PGLS: variants seen among roughly 807,000 people sequenced by gnomAD.
PGLS encodes 6-phosphogluconolactonase.
In PGLS, 21 loss-of-function variants were observed where a neutral mutation model predicts 23.2. The observed-to-expected ratio is 0.91, with a 90% CI of 0.64 to 1.31. PGLS has a LOEUF of 1.31. Ranked by LOEUF, PGLS falls within the 50% of genes most tolerant of loss-of-function variation. The pLI is 0.00. For synonymous variants in PGLS, 179 were observed against 165.4 expected (o/e 1.08, Z -0.63); for missense variants, 410 against 354.0 (o/e 1.16, Z -1.27).
intron 4 of PGLS, chr19:17,518,590 A>C (rs1356186199): frequency 6.6e-6 from 1 of 151,888 alleles, no homozygotes; most frequent in Non-Finnish European, 1.5e-5. Context: ...GAGTGCACTG[A>C]TGTGACCTCA....
At chr19:17,520,669 T>A in intron 4 of PGLS, 1 of 273,092 alleles carries the variant, frequency 3.7e-6, no homozygotes, top group Non-Finnish European at 6.7e-6. Context: ...AGGCGGAGGT[T>A]GCCGTGAGCC....
At chr19:17,513,738 G>C (rs2075520519) in intron 1 of PGLS, among the ~76,000 whole-genome samples, 1 of 152,180 alleles carries the variant, frequency 6.6e-6, no homozygotes, top group African/African-American at 2.4e-5. Flanking sequence ...AGAATCGCTT[G>C]AATGTGGGAG....
chr19:17,515,753 A>G lies in PGLS; in HGVS notation c.289-420A>G, dbSNP rs1057316149. 4.5e-5 allele frequency: 8 copies of G among 176,436 alleles called. No homozygotes were observed. In the East Asian group the frequency reaches 9.8e-4, roughly 22 times the overall value. 10.9% of individuals were successfully genotyped at this position (176,436 alleles called of 1,614,324 possible). On this transcript the variant is annotated intron_variant, in intron 1 of 4. Coordinates refer to ENST00000252603, the MANE Select transcript of PGLS (RefSeq NM_012088.3). ...ACCCTGGAGGCTTTGAAACAGGACA[A>G]TGGGCTGGCTAGACAGGTGCAGGCT...
chr19:17,512,239 G>T lies in PGLS; in HGVS notation c.288+279G>T, dbSNP rs992322831. 2.3e-5 allele frequency: 11 copies of T among 470,104 alleles called. No homozygotes were observed. In the East Asian group the frequency reaches 3.7e-4, roughly 16 times the overall value. The allele number at this position is 470,104 out of a possible 1,614,324, so 29.1% of individuals were successfully genotyped here. A position where few individuals can be genotyped will look rare whatever the true frequency, so the allele number is the denominator to read the frequency against. ...TCATGCCGAGATGGTCACGCCCACT[G>T]CCTGCACCTCGACTACGGGGGCCGC... On this transcript the variant is annotated intron_variant, in intron 1 of 4. Transcript: ENST00000252603.
chr19:17,514,460 CT>C, intron 1 of PGLS, among the ~76,000 whole-genome samples: 1 of 151,778 alleles, frequency 6.6e-6, no homozygotes, highest in Non-Finnish European at 1.5e-5. Flanking sequence ...TCCTTCCTTC[CT>C]CCCTTCCTAT....
intron 2 of PGLS, 154 bp downstream of exon 2, chr19:17,516,434 G>T (rs1274019304): frequency 6.4e-6 from 9 of 1,413,770 alleles, no homozygotes; most frequent in Non-Finnish European, 8.3e-6. Flanking sequence ...CCACAGCCCT[G>T]CCCTGGGGAG....
intron 3 of PGLS, 62 bp downstream of exon 3, chr19:17,517,451 TC>T: frequency 7.5e-7 from 1 of 1,331,864 alleles, no homozygotes; most frequent in Non-Finnish European, 1.1e-6. Context: ...ATCTGGGACT[TC>T]CAGAGGGAGA....
intron 1 of PGLS, among the ~76,000 whole-genome samples, chr19:17,513,402 C>T (rs2075518571): frequency 6.6e-6 from 1 of 151,354 alleles, no homozygotes; most frequent in South Asian, 2.1e-4. Context: ...TGGTGCGCAC[C>T]TGTAATCCCA....
Position 17,520,958 on chromosome 19 carries a change from C to G in PGLS, c.654C>G (p.Asp218Glu), listed in dbSNP as rs1438741731. Residue 218 changes from aspartate (D) to glutamate (E), a missense_variant, in exon 5 of 5, where the codon GAC (aspartate) becomes GAG (glutamate). By Grantham distance (45) the Asp-to-Glu change is conservative (BLOSUM62 2). Coordinates refer to ENST00000252603, the MANE Select transcript of PGLS (RefSeq NM_012088.3). ...KAAVLKRILE[D>E]QEENPLPAAL... is the part of the protein sequence containing the mutation. ...CTCTTCTTCAGCGCATTTTGGAGGACCAGGAGGAAAACCCGCTGCCCGCCG... is the reference window on the plus strand; with the variant it reads ...CTCTTCTTCAGCGCATTTTGGAGGAGCAGGAGGAAAACCCGCTGCCCGCCG... 1 of 1,597,644 alleles carries G rather than the reference C, an allele frequency of 6.3e-7. No homozygotes were observed. The highest frequency in any genetic ancestry group is 8.5e-7 in the Non-Finnish European group (1 of 1,171,610).
rs1180880074 is a variant in PGLS, at chr19:17,518,636, T to C, written c.639+786T>C. The C allele has an allele frequency of 2.8e-4, 42 of 152,092 alleles. 1 individual carries two copies. Among genetic ancestry groups the C allele is most frequent in the Admixed American group, 2.8e-3 (42 of 15,254 alleles). 9.4% of individuals were successfully genotyped at this position (152,092 alleles called of 1,614,324 possible). A position where few individuals can be genotyped will look rare whatever the true frequency, so the allele number is the denominator to read the frequency against. On this transcript the variant is annotated intron_variant, in intron 4 of 4. Coordinates refer to ENST00000252603, the MANE Select transcript of PGLS (RefSeq NM_012088.3). Reference sequence around the variant, plus strand: ...ATCTCTACCTCCCAGGTTCAAGCGGTTCTCCTGCCTCAGCCTCTTGACTAG... The same window carrying C: ...ATCTCTACCTCCCAGGTTCAAGCGGCTCTCCTGCCTCAGCCTCTTGACTAG...
Position 17,511,816 on chromosome 19 carries a change from G to A in PGLS, c.144G>A (p.Gly48=). The change falls in exon 1 of 5, where the codon GGG becomes GGA. Residue 48 remains glycine (G), a synonymous_variant. Transcript: ENST00000252603. ...GTTTCGCGCTCGGCCTGTCGGGCGG[G>A]AGCCTCGTCTCGATGCTAGCCCGCG... ...RARFALGLSG[G]SLVSMLAREL... 8 of 1,512,972 alleles carry A rather than the reference G, an allele frequency of 5.3e-6. No homozygotes were observed. Among genetic ancestry groups the A allele is most frequent in the Non-Finnish European group, 7.0e-6 (8 of 1,135,106 alleles). The allele number at this position is 1,512,972 out of a possible 1,614,324, so 93.7% of individuals were successfully genotyped here. A position where few individuals can be genotyped will look rare whatever the true frequency, so the allele number is the denominator to read the frequency against.
chr19:17,519,573 T>C (rs2075548198), intron 4 of PGLS, among the ~76,000 whole-genome samples: 1 of 151,932 alleles, frequency 6.6e-6, no homozygotes, highest in Non-Finnish European at 1.5e-5. Context: ...CTAATTTTTG[T>C]ATTTTTAGTA....
At chr19:17,519,724 C>A (rs1599691746) in intron 4 of PGLS, among the ~76,000 whole-genome samples, 1 of 152,128 alleles carries the variant, frequency 6.6e-6, no homozygotes, top group East Asian at 1.9e-4. Flanking sequence ...TGGAACATAG[C>A]AACACCCGCT....
rs183992141 is a variant in PGLS at position 17,511,928 on chromosome 19, G to T, written c.256G>T (p.Asp86Tyr). Residue 86 changes from aspartate (D) to tyrosine (Y), a missense_variant, in exon 1 of 5, where the codon GAT becomes TAT. By Grantham distance (160) the Asp-to-Tyr change is radical. Transcript: ENST00000252603. Reference sequence around the variant, plus strand: ...CTGCGACGAGCGCCTCGTGCCCTTCGATCACGCCGAGAGCACGTACGGCCT... The same window carrying T: ...CTGCGACGAGCGCCTCGTGCCCTTCTATCACGCCGAGAGCACGTACGGCCT... Reference protein sequence around the residue: ...GFCDERLVPFDHAESTYGLYR... With the variant: ...GFCDERLVPFYHAESTYGLYR... The T allele has an allele frequency of 6.5e-7, 1 of 1,549,298 alleles. No individual in the cohort carries two copies. Among genetic ancestry groups the T allele is most frequent in the Non-Finnish European group, 8.7e-7 (1 of 1,149,058 alleles).
Position 17,511,686 on chromosome 19 carries a change from C to T in PGLS, c.14C>T (p.Ala5Val), listed in dbSNP as rs1328907771. The T allele has an allele frequency of 1.3e-6, 2 of 1,501,172 alleles. No individual in the cohort carries two copies. The highest frequency in any genetic ancestry group is 8.8e-7 in the Non-Finnish European group (1 of 1,132,504). 93.0% of individuals were successfully genotyped at this position (1,501,172 alleles called of 1,614,324 possible). A position where few individuals can be genotyped will look rare whatever the true frequency, so the allele number is the denominator to read the frequency against. ...GCCGCCCTCGCCATGGCCGCGCCGG[C>T]CCCGGGCCTCATCTCGGTGTTCTCG... is the stretch of plus-strand genomic sequence containing the variant. MAAP[A>V]PGLISVFSSS... Residue 5 changes from alanine (A) to valine (V), a missense_variant, in exon 1 of 5, where the codon GCC (alanine) becomes GTC (valine). Coordinates refer to ENST00000252603, the MANE Select transcript of PGLS (RefSeq NM_012088.3).
intron 2 of PGLS, 179 bp downstream of exon 2, chr19:17,516,459 G>C: frequency 7.1e-7 from 1 of 1,403,624 alleles, no homozygotes; most frequent in Non-Finnish European, 9.3e-7. Flanking sequence ...AAGGCCACTC[G>C]GCCTCTGTTG....
chr19:17,517,381 C>A lies in PGLS; in HGVS notation c.490C>A (p.Leu164Ile). Reference sequence around the variant, plus strand: ...CTGCTCACTCTTCCCAGACCACCCCCTCCTACAGGTGAGCACACCAATGCG... The same window carrying A: ...CTGCTCACTCTTCCCAGACCACCCCATCCTACAGGTGAGCACACCAATGCG... ...HTCSLFPDHP[L>I]LQEREKIVAP... The change falls in exon 3 of 5, where the codon CTC becomes ATC. Residue 164 changes from leucine (L) to isoleucine (I), a missense_variant. By Grantham distance (5) the Leu-to-Ile change is conservative. Coordinates refer to ENST00000252603, the MANE Select transcript of PGLS (RefSeq NM_012088.3). 1 of 1,611,960 alleles carries A rather than the reference C, an allele frequency of 6.2e-7. No individual in the cohort carries two copies. The highest frequency in any genetic ancestry group is 8.5e-7 in the Non-Finnish European group (1 of 1,178,156).
chr19:17,513,512 T>TAAA (rs34816451), intron 1 of PGLS, among the ~76,000 whole-genome samples: 47,327 of 137,418 alleles, frequency 0.34, 8,581 homozygotes, highest in Non-Finnish European at 0.42. Flanking sequence ...GTCTTAAAGA[T>TAAA]AAAAAAAAAA....
Position 17,516,268 on chromosome 19 carries a change from G to A in PGLS, c.384G>A (p.Lys128=). 1 of 1,613,818 alleles carries A rather than the reference G, an allele frequency of 6.2e-7. No individual in the cohort carries two copies. Among genetic ancestry groups the A allele is most frequent in the Non-Finnish European group, 8.5e-7 (1 of 1,179,822 alleles). ...AGGAGGCGGCTGAGGACTACGCCAA[G>A]AAGCTGAGACAGGTGAGCCCCGAGG... ...PVEEAAEDYA[K]KLRQAFQGDS... is the part of the protein sequence containing the mutation. Residue 128 remains lysine (K), a synonymous_variant, in exon 2 of 5, where the codon AAG becomes AAA. Transcript: ENST00000252603.
Sources: allele counts gnomAD v4.1 joint callset (sites outside exome capture counted in the v4.1 genomes callset), GRCh38; gene constraint gnomAD v4.1.1; transcripts MANE v1.5; gene names NCBI Gene and HGNC (gene_info 2026-07-23, HGNC 2026-07-21).